SLC38A9: variants seen among roughly 807,000 people sequenced by gnomAD.
SLC38A9 encodes neutral amino acid transporter 9.
SLC38A9 carries 48 observed loss-of-function variants against 62.3 expected under a neutral mutation model. That is an observed-to-expected ratio of 0.77 (90% CI 0.61 to 0.98). The LOEUF (loss-of-function observed/expected upper bound fraction) is 0.98. Among genes scored for constraint, SLC38A9 ranks in the 50% least tolerant of loss-of-function variants. The pLI is 0.00. For missense variants in SLC38A9, 541 were observed against 679.8 expected, an observed-to-expected ratio of 0.80 and a Z score of 2.27; for synonymous variants, 204 against 227.7, an observed-to-expected ratio of 0.90 and a Z score of 0.94.
At chr5:55,695,807 C>T (rs1481377015) in intron 3 of SLC38A9, among the ~76,000 whole-genome samples, 1 of 78,408 alleles carries the variant, frequency 1.3e-5, no homozygotes, top group Non-Finnish European at 3.2e-5. Flanking sequence ...GGGGTGGTGG[C>T]CGGGCAGAGG....
intron 3 of SLC38A9, among the ~76,000 whole-genome samples, chr5:55,681,044 C>T (rs956525535): frequency 2.0e-5 from 3 of 152,120 alleles, no homozygotes; most frequent in African/African-American, 7.2e-5. Flanking sequence ...AAAAGTAGTG[C>T]TAGAAAGTAT....
At position 55,635,925 on chromosome 5, in the gene SLC38A9, T is replaced by A. The variant is rs951629373; in HGVS notation, c.1168-268A>T. On this transcript the variant is annotated intron_variant, in intron 12 of 15. Transcript: ENST00000396865. ...TTGGCAGACTTAGAAGTTAACATAG[T>A]GGTTTAACATGACTGAAATTCTGAC... 1.3e-5 allele frequency among the ~76,000 whole-genome samples: 2 copies of A among 152,194 alleles called. 1 individual carries two copies. The highest frequency in any genetic ancestry group is 4.1e-4 in the South Asian group (2 of 4,828).
intron 8 of SLC38A9, among the ~76,000 whole-genome samples, chr5:55,659,378 G>GTTTTTTTTTTT (rs35686566): frequency 1.6e-5 from 2 of 125,630 alleles, no homozygotes; most frequent in African/African-American, 2.9e-5. Flanking sequence ...AACTGGAAAG[G>GTTTTTTTTTTT]TTTTTTTTTT....
chr5:55,670,120 ACG>A (rs1751061852), intron 4 of SLC38A9, among the ~76,000 whole-genome samples: 2 of 152,024 alleles, frequency 1.3e-5, no homozygotes, highest in Non-Finnish European at 2.9e-5. Context: ...GCCCACCACC[ACG>A]CCTGGCTAAT....
intron 3 of SLC38A9, among the ~76,000 whole-genome samples, chr5:55,677,114 G>C (rs893537069): frequency 6.6e-6 from 1 of 152,020 alleles, no homozygotes; most frequent in African/African-American, 2.4e-5. Flanking sequence ...CCAGTGTCTA[G>C]GTATTTACTC....
intron 3 of SLC38A9, chr5:55,696,805 C>A: frequency 6.3e-6 from 1 of 157,624 alleles, no homozygotes; most frequent in Non-Finnish European, 1.3e-5. Context: ...ACTTCTCATA[C>A]GGGGCGGCTG....
chr5:55,681,929 G>A (rs1437265881), intron 3 of SLC38A9, among the ~76,000 whole-genome samples: 1 of 152,090 alleles, frequency 6.6e-6, no homozygotes, highest in East Asian at 1.9e-4. Flanking sequence ...ACTCCACAAC[G>A]GCAAAGTTGA....
intron 2 of SLC38A9, chr5:55,703,931 T>G (rs1184887408): frequency 2.6e-5 from 4 of 152,170 alleles, no homozygotes; most frequent in Non-Finnish European, 5.9e-5. Context: ...AGGAGGACCC[T>G]TTGAGGCCAG....
chr5:55,669,760 G>T lies in SLC38A9; in HGVS notation c.366C>A (p.Thr122=). 1 of 1,612,264 alleles carries T rather than the reference G, an allele frequency of 6.2e-7. No individual in the cohort carries two copies. Among genetic ancestry groups the T allele is most frequent in the South Asian group, 1.1e-5 (1 of 90,706 alleles). ...EGYGKNTSLV[T]IFMIWNTMMG... is the part of the protein sequence containing the mutation. ...CTCCAAAAAGCAGTTTCACTCACATGGTTACTAAACTGGTGTTTTTACCGT... is the reference window on the plus strand; with the variant it reads ...CTCCAAAAAGCAGTTTCACTCACATTGTTACTAAACTGGTGTTTTTACCGT... Residue 122 remains threonine, a splice_region_variant and synonymous_variant, in exon 5 of 16, where the codon ACC becomes ACA. Coordinates refer to ENST00000396865, the MANE Select transcript of SLC38A9 (RefSeq NM_173514.4).
At chr5:55,632,943 G>T (rs535390186) in intron 14 of SLC38A9, among the ~76,000 whole-genome samples, 1 of 152,064 alleles carries the variant, frequency 6.6e-6, no homozygotes, top group African/African-American at 2.4e-5. Context: ...GTATCTTTGG[G>T]TCTTCTTTCT....
chr5:55,685,708 G>A (rs1753700121), intron 3 of SLC38A9, among the ~76,000 whole-genome samples: 1 of 152,002 alleles, frequency 6.6e-6, no homozygotes, highest in Non-Finnish European at 1.5e-5. Context: ...GGGGTTTGTT[G>A]TACAGATTAT....
Position 55,635,335 on chromosome 5 carries a change from G to A in SLC38A9, c.1281+209C>T, listed in dbSNP as rs1326245969. ...CAGAGTCCATCTAAAAATCAAATGG[G>A]GGTACTTATTATACTATTTAATGGA... On this transcript the variant is annotated intron_variant, in intron 13 of 15. Coordinates refer to ENST00000396865, the MANE Select transcript of SLC38A9 (RefSeq NM_173514.4). 1.0e-5 allele frequency: 6 copies of A among 584,040 alleles called. No homozygotes were observed. In the East Asian group the frequency reaches 1.7e-4, roughly 17 times the overall value. The allele number at this position is 584,040 out of a possible 1,614,324, so 36.2% of individuals were successfully genotyped here.
rs538576190 is a variant in SLC38A9, at chr5:55,691,283, C to T, written c.113+6563G>A. The stretch of plus-strand genomic sequence containing the variant: ...GTTTTCCATTATAATACCAAGCTGA[C>T]AACAGAGCCCTGGAGGGAATAGGAC... On this transcript the variant is annotated intron_variant, in intron 3 of 15. Coordinates refer to ENST00000396865, the MANE Select transcript of SLC38A9 (RefSeq NM_173514.4). The T allele has an allele frequency of 1.0e-4, 154 of 1,476,622 alleles. 1 individual carries two copies. In the South Asian group the frequency reaches 1.6e-3, roughly 16 times the overall value. 91.5% of individuals were successfully genotyped at this position (1,476,622 alleles called of 1,614,324 possible).
At chr5:55,698,300 A>G (rs1480929419) in intron 2 of SLC38A9, among the ~76,000 whole-genome samples, 1 of 152,224 alleles carries the variant, frequency 6.6e-6, no homozygotes, top group Non-Finnish European at 1.5e-5. Context: ...AAAATCTTTG[A>G]AAAGCATCAA....
chr5:55,660,355 A>C (rs1215894148), intron 8 of SLC38A9, among the ~76,000 whole-genome samples: 1 of 152,168 alleles, frequency 6.6e-6, no homozygotes. Context: ...TCAAGGCTGC[A>C]GTGAGTTGTG....
At chr5:55,628,694 GTCATACT>G (rs1445884415) in intron 14 of SLC38A9, among the ~76,000 whole-genome samples, 2 of 152,094 alleles carry the variant, frequency 1.3e-5, no homozygotes, top group Non-Finnish European at 2.9e-5. Flanking sequence ...AAAGAAAGTG[GTCATACT>G]TCATACTTTG....
At chr5:55,633,691 T>G (rs546466700) in intron 14 of SLC38A9, 63 bp downstream of exon 14, 1 of 1,607,358 alleles carries the variant, frequency 6.2e-7, no homozygotes. Flanking sequence ...CACTTTAAAC[T>G]GACCTGCTTG....
At chr5:55,628,113 CA>C in intron 14 of SLC38A9, 133 bp from the exon 15 acceptor site, 1 of 606,938 alleles carries the variant, frequency 1.6e-6, no homozygotes, top group South Asian at 2.3e-5. Flanking sequence ...AAAATCACAG[CA>C]AAAATAGAAG....
intron 3 of SLC38A9, among the ~76,000 whole-genome samples, chr5:55,676,322 T>C (rs11746668): frequency 0.56 from 85,699 of 151,852 alleles, 25,043 homozygotes; most frequent in South Asian, 0.65. Context: ...ACCACAGGCG[T>C]ACACCACCAT....
Sources: allele counts gnomAD v4.1 joint callset (sites outside exome capture counted in the v4.1 genomes callset), GRCh38; gene constraint gnomAD v4.1.1; transcripts MANE v1.5; gene names NCBI Gene and HGNC (gene_info 2026-07-23, HGNC 2026-07-21).